PTPRJ: variants seen among roughly 807,000 people sequenced by gnomAD.
The protein encoded by PTPRJ is protein tyrosine phosphatase receptor type J.
A neutral mutation model predicts 141.3 loss-of-function variants in PTPRJ; 129 were observed. That is an observed-to-expected ratio of 0.91 (90% CI 0.79 to 1.06). PTPRJ has a LOEUF of 1.06. PTPRJ is among the 50% of genes least tolerant of loss of function. The pLI is 0.00. For synonymous variants in PTPRJ, 610 were observed against 640.5 expected (o/e 0.95, Z 0.72); for missense variants, 1,601 against 1,679.7 (o/e 0.95, Z 0.82).
intron 1 of PTPRJ, among the ~76,000 whole-genome samples, chr11:48,029,106 G>A (rs1249627617): frequency 2.0e-5 from 3 of 152,196 alleles, no homozygotes; most frequent in African/African-American, 7.2e-5. Context: ...CCTCTGCTGA[G>A]GGCTGCAGAT....
intron 1 of PTPRJ, among the ~76,000 whole-genome samples, chr11:48,087,573 C>G (rs1855749010): frequency 6.6e-6 from 1 of 152,146 alleles, no homozygotes; most frequent in Non-Finnish European, 1.5e-5. Context: ...GGAATTAGTT[C>G]ATAAAGAACT....
chr11:48,056,233 A>G (rs1854748924), intron 1 of PTPRJ, among the ~76,000 whole-genome samples: 1 of 152,248 alleles, frequency 6.6e-6, no homozygotes. Context: ...AGACGCACAC[A>G]TAATTGCTTT....
At chr11:47,981,061 A>G (rs1217694452) in intron 1 of PTPRJ, 53 bp downstream of exon 1, 1 of 1,200,372 alleles carries the variant, frequency 8.3e-7, no homozygotes, top group Non-Finnish European at 1.0e-6. Context: ...CGGGACTGGC[A>G]TTGACTGCAC....
At chr11:48,023,961 C>T (rs1486210958) in intron 1 of PTPRJ, among the ~76,000 whole-genome samples, 1 of 151,742 alleles carries the variant, frequency 6.6e-6, no homozygotes, top group Admixed American at 6.6e-5. Flanking sequence ...TCTTGGAAAA[C>T]CCCACGCTTA....
At position 48,167,656 on chromosome 11, in the gene PTPRJ, AT is replaced by A. The variant is rs964493999; in HGVS notation, c.*303del. 1.3e-4 allele frequency: 35 copies of A among 265,324 alleles called. No individual in the cohort carries two copies. Among genetic ancestry groups the A allele is most frequent in the Middle Eastern group, 1.2e-3 (1 of 868 alleles). The allele number at this position is 265,324 out of a possible 1,614,324, so 16.4% of individuals were successfully genotyped here. A position where few individuals can be genotyped will look rare whatever the true frequency, so the allele number is the denominator to read the frequency against. ...GGAAAACCAGGAAAAGGGAGCTATGATTTTTTTTTCCAAAACAATTTCTTTT... is the reference window on the plus strand; with the variant it reads ...GGAAAACCAGGAAAAGGGAGCTATGATTTTTTTTCCAAAACAATTTCTTTT... On this transcript the variant is annotated 3_prime_UTR_variant, in exon 25 of 25. Transcript: ENST00000418331.
chr11:48,078,045 T>G (rs1486095528), intron 1 of PTPRJ, among the ~76,000 whole-genome samples: 1 of 149,942 alleles, frequency 6.7e-6, no homozygotes, highest in Non-Finnish European at 1.5e-5. Context: ...ATGGATTCAG[T>G]GTTTTTTTTT....
chr11:48,155,873 CTGT>C lies in PTPRJ; in HGVS notation c.3303_3303+2del. The stretch of plus-strand genomic sequence containing the variant: ...GACTACATCAATGCCAACTACATGC[CTGT>C]AAGTTGGGGGACGGTCTCACAGCAC... On this transcript the variant is annotated splice_donor_variant and coding_sequence_variant, in exon 20 of 25. Transcript: ENST00000418331. LOFTEE classifies it high-confidence loss of function. 6.2e-7 allele frequency: 1 copy of C among 1,603,264 alleles called. No homozygotes were observed. The highest frequency in any genetic ancestry group is 8.5e-7 in the Non-Finnish European group (1 of 1,170,274).
intron 15 of PTPRJ, among the ~76,000 whole-genome samples, chr11:48,148,822 A>C: frequency 6.6e-6 from 1 of 152,098 alleles, no homozygotes; most frequent in East Asian, 1.9e-4. Flanking sequence ...GGTGTTTCCA[A>C]GTTTTTTTTC....
intron 19 of PTPRJ, among the ~76,000 whole-genome samples, chr11:48,154,676 C>T (rs977389414): frequency 6.6e-6 from 1 of 152,160 alleles, no homozygotes; most frequent in Non-Finnish European, 1.5e-5. Flanking sequence ...TTTTTCATTC[C>T]TGGACTAAAA....
intron 1 of PTPRJ, among the ~76,000 whole-genome samples, chr11:48,058,374 A>C (rs1431101359): frequency 6.6e-6 from 1 of 151,960 alleles, no homozygotes; most frequent in Non-Finnish European, 1.5e-5. Flanking sequence ...TCATCTAATT[A>C]AAACAATTTT....
intron 1 of PTPRJ, among the ~76,000 whole-genome samples, chr11:48,048,654 T>G (rs924820875): frequency 6.6e-6 from 1 of 151,584 alleles, no homozygotes. Context: ...ATTAACCGGG[T>G]GTGATGGCGC....
chr11:48,148,514 T>C (rs1421490513), intron 15 of PTPRJ, among the ~76,000 whole-genome samples: 1 of 152,094 alleles, frequency 6.6e-6, no homozygotes, highest in African/African-American at 2.4e-5. Context: ...CTTGGCTCAC[T>C]GCAACCTCTG....
chr11:48,139,134 A>C (rs559492364), intron 10 of PTPRJ, among the ~76,000 whole-genome samples: 99 of 151,142 alleles, frequency 6.6e-4, no homozygotes, highest in Non-Finnish European at 1.0e-3. Context: ...CTCCGTCTCA[A>C]AAAAAAAAGG....
intron 19 of PTPRJ, 143 bp from the exon 20 acceptor site, chr11:48,155,658 C>T: frequency 1.5e-6 from 1 of 655,256 alleles, no homozygotes; most frequent in East Asian, 2.7e-5. Context: ...ATGAGGTGGT[C>T]TATATGAAAT....
chr11:48,155,974 C>T lies in PTPRJ; in HGVS notation c.3304-11C>T. ...CTTTGAGGTTGACTATGTGCTGTTTCCCATTTTTAGGGCTACCACTCCAAG... is the reference window on the plus strand; with the variant it reads ...CTTTGAGGTTGACTATGTGCTGTTTTCCATTTTTAGGGCTACCACTCCAAG... On this transcript the variant is annotated splice_polypyrimidine_tract_variant and intron_variant, in intron 20 of 24. Coordinates refer to ENST00000418331, the MANE Select transcript of PTPRJ (RefSeq NM_002843.4). 6.2e-7 allele frequency: 1 copy of T among 1,608,710 alleles called. No homozygotes were observed. Among genetic ancestry groups the T allele is most frequent in the South Asian group, 1.1e-5 (1 of 90,650 alleles).
intron 1 of PTPRJ, among the ~76,000 whole-genome samples, chr11:48,079,543 G>A (rs1855504859): frequency 6.6e-6 from 1 of 152,012 alleles, no homozygotes; most frequent in South Asian, 2.1e-4. Context: ...TGATGAAGCT[G>A]GACAAGACTG....
chr11:48,016,635 G>T (rs997782389), intron 1 of PTPRJ, among the ~76,000 whole-genome samples: 3 of 152,044 alleles, frequency 2.0e-5, no homozygotes, highest in Admixed American at 2.0e-4. Flanking sequence ...TTAAAATGTG[G>T]GCCCTAATTT....
Position 48,126,821 on chromosome 11 carries a change from G to C in PTPRJ, c.1094-959G>C, listed in dbSNP as rs1004958154. Among the ~76,000 whole-genome samples the C allele has an allele frequency of 1.7e-3, 173 of 100,716 alleles. 1 individual carries two copies. Among genetic ancestry groups the C allele is most frequent in the Non-Finnish European group, 2.5e-3 (131 of 51,592 alleles). 66.1% of individuals were successfully genotyped at this position (100,716 alleles called of 152,430 possible). ...ACACACACACACACACACACACACA[G>C]ATAAACACACATTTCCACCCACCCC... On this transcript the variant is annotated intron_variant, in intron 6 of 24. Coordinates refer to ENST00000418331, the MANE Select transcript of PTPRJ (RefSeq NM_002843.4).
intron 6 of PTPRJ, 51 bp from the exon 7 acceptor site, chr11:48,127,729 C>T (rs1856875822): frequency 6.3e-7 from 1 of 1,587,312 alleles, no homozygotes; most frequent in Admixed American, 1.7e-5. Flanking sequence ...CCTCTCCCTC[C>T]CTCTGCCTTG....
Sources: gnomAD v4.1 joint callset for allele counts (sites outside exome capture counted in the v4.1 genomes callset) on GRCh38, gnomAD v4.1.1 for gene constraint, MANE v1.5 for transcripts, NCBI Gene and HGNC (gene_info 2026-07-23, HGNC 2026-07-21) for gene names.